The following CUX2 variants were observed in gnomAD, a reference collection of about 807,000 sequenced individuals.
CUX2 encodes the protein cut like homeobox 2, also known as homeobox protein cut-like 2.
CUX2 carries 40 observed loss-of-function variants against 144.8 expected under a neutral mutation model. The ratio of observed to expected loss-of-function variants is 0.28; its 90% CI spans 0.21 to 0.36. CUX2 has a LOEUF of 0.36. Ranked by LOEUF, CUX2 falls within the 10% of genes least tolerant of loss-of-function variation. CUX2 has a pLI of 1.00. For synonymous variants in CUX2, 827 were observed against 875.6 expected (o/e 0.94, Z 0.98); for missense variants, 1,615 against 1,994.0 (o/e 0.81, Z 3.62).
intron 4 of CUX2, among the ~76,000 whole-genome samples, chr12:111,275,955 C>T (rs1178163164): frequency 6.6e-6 from 1 of 152,112 alleles, no homozygotes; most frequent in African/African-American, 2.4e-5. Context: ...TTTCTCCTTG[C>T]CTTTATTTTT....
rs1885963531 is a variant in CUX2 at position 111,295,947 on chromosome 12, C to G, written c.638-526C>G. Among the ~76,000 whole-genome samples the G allele has an allele frequency of 6.6e-6, 1 of 152,032 alleles. No homozygotes were observed. Among genetic ancestry groups the G allele is most frequent in the Admixed American group, 6.6e-5 (1 of 15,264 alleles). ...ACCATATGGTCCCCTGTGGCCAGGC[C>G]CTTCCATTTTCCCAGAGAAATTAGA... is the stretch of plus-strand genomic sequence containing the variant. On this transcript the variant is annotated intron_variant, in intron 7 of 21. Transcript: ENST00000261726. This position sits in a 1 kb window ranked among gnomAD's most constrained non-coding sequence, Gnocchi z 5.0.
Position 111,318,238 on chromosome 12 carries a change from CT to C in CUX2, c.2003-1768del, listed in dbSNP as rs955839240. 7.3e-5 allele frequency among the ~76,000 whole-genome samples: 8 copies of C among 109,654 alleles called. No homozygotes were observed. The East Asian group carries it at 4.3e-3, about 59-fold the overall frequency. The allele number at this position is 109,654 out of a possible 152,430, so 71.9% of individuals were successfully genotyped here. ...CACCATGCCTGGCTAATTTTTTTTT[CT>C]TTTTTCTTTTTTTTTTTTTTTTCAC... On this transcript the variant is annotated intron_variant, in intron 16 of 21. Coordinates refer to ENST00000261726, the MANE Select transcript of CUX2 (RefSeq NM_015267.4).
intron 1 of CUX2, among the ~76,000 whole-genome samples, chr12:111,055,572 A>T (rs1485869925): frequency 6.6e-6 from 1 of 152,246 alleles, no homozygotes; most frequent in Non-Finnish European, 1.5e-5. Flanking sequence ...AGGCCTGCTG[A>T]GGCCGTCTGC....
chr12:111,336,722 A>G (rs903563680), intron 19 of CUX2, among the ~76,000 whole-genome samples: 1 of 151,976 alleles, frequency 6.6e-6, no homozygotes, highest in African/African-American at 2.4e-5. Context: ...TGCAGGGGTT[A>G]CAGGTGTGAG....
In CUX2 at chr12:111,255,561, G is replaced by A. The variant is rs890581318; in HGVS notation, c.223-8200G>A. Reference sequence around the variant, plus strand: ...TCCACCAGCCCCCAACCAAAGAATCGATTCTGAGTGGAGGCTGAGAAGCAT... The same window carrying A: ...TCCACCAGCCCCCAACCAAAGAATCAATTCTGAGTGGAGGCTGAGAAGCAT... On this transcript the variant is annotated intron_variant, in intron 3 of 21. Coordinates refer to ENST00000261726, the MANE Select transcript of CUX2 (RefSeq NM_015267.4). This position sits in a 1 kb window ranked among gnomAD's most constrained non-coding sequence, Gnocchi z 4.1. Among the ~76,000 whole-genome samples, 8 of 152,124 alleles carry A rather than the reference G, an allele frequency of 5.3e-5. No individual in the cohort carries two copies. The highest frequency in any genetic ancestry group is 1.7e-4 in the African/African-American group (7 of 41,416).
chr12:111,036,054 C>T (rs1592838889), intron 1 of CUX2, among the ~76,000 whole-genome samples: 1 of 152,140 alleles, frequency 6.6e-6, no homozygotes, highest in African/African-American at 2.4e-5. Flanking sequence ...AAATGAGACC[C>T]GGGCACGGCT....
chr12:111,225,947 GACATGC>G (rs1416068227), intron 3 of CUX2, among the ~76,000 whole-genome samples: 2 of 152,058 alleles, frequency 1.3e-5, no homozygotes, highest in African/African-American at 4.8e-5. Context: ...TACTGCCCCC[GACATGC>G]ACATGTGCAC....
Position 111,312,042 on chromosome 12 carries a change from C to T in CUX2, c.1901-58C>T. ...GAGACAGCCCCCCTACCCCACCAGG[C>T]TCCGGAGACTGAGCCCAACATGCAG... On this transcript the variant is annotated intron_variant, in intron 15 of 21. Transcript: ENST00000261726. The surrounding 1 kb of genome is among the most constrained non-coding windows in gnomAD (Gnocchi z 4.3). 6.7e-7 allele frequency: 1 copy of T among 1,502,064 alleles called. No homozygotes were observed. The highest frequency in any genetic ancestry group is 9.1e-7 in the Non-Finnish European group (1 of 1,093,848). 93.0% of individuals were successfully genotyped at this position (1,502,064 alleles called of 1,614,324 possible). A position where few individuals can be genotyped will look rare whatever the true frequency, so the allele number is the denominator to read the frequency against.
Position 111,037,667 on chromosome 12 carries a change from A to G in CUX2, c.63+3427A>G, listed in dbSNP as rs1360991392. 6.6e-6 allele frequency among the ~76,000 whole-genome samples: 1 copy of G among 152,260 alleles called. No individual in the cohort carries two copies. Among genetic ancestry groups the G allele is most frequent in the African/African-American group, 2.4e-5 (1 of 41,466 alleles). On this transcript the variant is annotated intron_variant, in intron 1 of 21. Coordinates refer to ENST00000261726, the MANE Select transcript of CUX2 (RefSeq NM_015267.4). The surrounding 1 kb of genome is among the most constrained non-coding windows in gnomAD (Gnocchi z 5.4). ...TGCTAGGCATATTTCATTTGGTTATAAGATTGCTTTATGGTGAACATTACT... is the reference window on the plus strand; with the variant it reads ...TGCTAGGCATATTTCATTTGGTTATGAGATTGCTTTATGGTGAACATTACT...
chr12:111,161,522 T>C (rs1475418060), intron 1 of CUX2, among the ~76,000 whole-genome samples: 1 of 152,218 alleles, frequency 6.6e-6, no homozygotes, highest in Non-Finnish European at 1.5e-5. Context: ...GTGTCCGCCC[T>C]GACTACCTAT....
At chr12:111,258,334 G>T (rs928274348) in intron 3 of CUX2, among the ~76,000 whole-genome samples, 7 of 152,156 alleles carry the variant, frequency 4.6e-5, no homozygotes, top group African/African-American at 1.7e-4. Context: ...CCAACATGGT[G>T]AAACCCCGTC....
chr12:111,182,963 C>G (rs893111527), intron 1 of CUX2, among the ~76,000 whole-genome samples: 13 of 152,306 alleles, frequency 8.5e-5, no homozygotes, highest in Middle Eastern at 3.4e-3. Flanking sequence ...GGATCCTGTA[C>G]CAAGCATTTG....
chr12:111,034,312 C>T lies in CUX2; in HGVS notation c.63+72C>T, dbSNP rs1869301614. 2 of 978,702 alleles carry T rather than the reference C, an allele frequency of 2.0e-6. No individual in the cohort carries two copies. Among genetic ancestry groups the T allele is most frequent in the Non-Finnish European group, 1.3e-6 (1 of 783,942 alleles). The allele number at this position is 978,702 out of a possible 1,614,324, so 60.6% of individuals were successfully genotyped here. On this transcript the variant is annotated intron_variant, in intron 1 of 21. Transcript: ENST00000261726. The surrounding 1 kb of genome is among the most constrained non-coding windows in gnomAD (Gnocchi z 4.2). ...CGCGCCCTGGGCGCATTGGGGAGGTCCCCGGGCGGGCAGGCGGACGCCCTG... is the reference window on the plus strand; with the variant it reads ...CGCGCCCTGGGCGCATTGGGGAGGTTCCCGGGCGGGCAGGCGGACGCCCTG...
chr12:111,253,318 G>A (rs1883659891), intron 3 of CUX2, among the ~76,000 whole-genome samples: 1 of 98,546 alleles, frequency 1.0e-5, no homozygotes. Flanking sequence ...CTCACCTCCC[G>A]ACCCCCTTTC....
intron 1 of CUX2, among the ~76,000 whole-genome samples, chr12:111,104,662 A>G (rs1013578350): frequency 2.0e-5 from 3 of 152,230 alleles, no homozygotes; most frequent in East Asian, 1.9e-4. Context: ...GGCACGCAGT[A>G]TGGACTGCTG....
chr12:111,314,639 TAAAAAAAAAAAAAAAA>T (rs954472479), intron 16 of CUX2, among the ~76,000 whole-genome samples: 11 of 23,234 alleles, frequency 4.7e-4, no homozygotes, highest in African/African-American at 1.1e-3. Context: ...AAACTCAGTC[TAAAAAAAAAAAAAAAA>T]AAAAAAAAAA....
Position 111,034,973 on chromosome 12 carries a change from C to G in CUX2, c.63+733C>G, listed in dbSNP as rs1274305936. ...TCGTCTTGCTTCTTGCCTTTACCCCCCCGCCCCTTCCATCCCCTTCCCAAG... is the reference window on the plus strand; with the variant it reads ...TCGTCTTGCTTCTTGCCTTTACCCCGCCGCCCCTTCCATCCCCTTCCCAAG... On this transcript the variant is annotated intron_variant, in intron 1 of 21. Transcript: ENST00000261726. The surrounding 1 kb of genome is among the most constrained non-coding windows in gnomAD (Gnocchi z 4.2). Among the ~76,000 whole-genome samples, 1 of 152,072 alleles carries G rather than the reference C, an allele frequency of 6.6e-6. No homozygotes were observed. The highest frequency in any genetic ancestry group is 1.9e-4 in the East Asian group (1 of 5,170).
chr12:111,222,168 G>A (rs1345248918), intron 3 of CUX2, among the ~76,000 whole-genome samples: 7 of 152,080 alleles, frequency 4.6e-5, no homozygotes, highest in Admixed American at 4.6e-4. Flanking sequence ...TTAACCCTCC[G>A]AGCACAAAAA....
chr12:111,322,613 T>G lies in CUX2; in HGVS notation c.2926+33T>G. The G allele has an allele frequency of 6.3e-7, 1 of 1,596,658 alleles. No individual in the cohort carries two copies. The highest frequency in any genetic ancestry group is 8.5e-7 in the Non-Finnish European group (1 of 1,177,956). On this transcript the variant is annotated intron_variant, in intron 18 of 21. Coordinates refer to ENST00000261726, the MANE Select transcript of CUX2 (RefSeq NM_015267.4). This position sits in a 1 kb window ranked among gnomAD's most constrained non-coding sequence, Gnocchi z 4.2. The stretch of plus-strand genomic sequence containing the variant: ...CGGGCAGGAGCATCTCAGGGGGTGC[T>G]GGCAAACTTCCCACCTGCGCAGTGG...
Sources: allele counts gnomAD v4.1 joint callset (sites outside exome capture counted in the v4.1 genomes callset), GRCh38; gene constraint gnomAD v4.1.1; non-coding constraint Gnocchi (gnomAD v3.1); transcripts MANE v1.5; gene names NCBI Gene and HGNC (gene_info 2026-07-23, HGNC 2026-07-21).